ITPRIP: variants seen among roughly 807,000 people sequenced by gnomAD.
ITPRIP encodes inositol 1,4,5-trisphosphate receptor-interacting protein.
A neutral mutation model predicts 35.8 loss-of-function variants in ITPRIP; 32 were observed. The observed-to-expected ratio is 0.89, with a 90% CI of 0.68 to 1.20. The LOEUF (loss-of-function observed/expected upper bound fraction) is 1.20, where lower values mean the gene tolerates loss of function less well. Among genes scored for constraint, ITPRIP ranks in the 50% most tolerant of loss-of-function variants. The pLI, the probability that ITPRIP is intolerant of heterozygous loss-of-function variation, is 0.00. For missense variants in ITPRIP, 653 were observed against 735.6 expected (o/e 0.89, Z 1.30); for synonymous variants, 358 against 324.0 (o/e 1.11, Z -1.13).
intron 1 of ITPRIP, among the ~76,000 whole-genome samples, chr10:104,329,432 C>A (rs2014105087): frequency 6.6e-6 from 1 of 152,174 alleles, no homozygotes; most frequent in African/African-American, 2.4e-5. Flanking sequence ...ACATCATTTT[C>A]TAGTCACAGG....
intron 1 of ITPRIP, chr10:104,323,505 C>T (rs1182094055): frequency 6.6e-6 from 1 of 152,350 alleles, no homozygotes; most frequent in African/African-American, 2.4e-5. Flanking sequence ...GTGGGTCCTG[C>T]CTCTTCCCCT....
chr10:104,314,804 G>A lies in ITPRIP; in HGVS notation c.1248C>T (p.Leu416=), dbSNP rs1325969013. 1 of 1,613,950 alleles carries A rather than the reference G, an allele frequency of 6.2e-7. No individual in the cohort carries two copies. The highest frequency in any genetic ancestry group is 1.1e-5 in the South Asian group (1 of 91,086). The change falls in exon 2 of 2, where the codon CTC becomes CTT. Residue 416 remains leucine, a synonymous_variant. Transcript: ENST00000337478. ...LSCLQIASFL[L]SKQSRLTGPS... ...GACCGGTCAGGCGGCTCTGCTTGGA[G>A]AGCAGGAAGGATGCTATCTGCAGGC...
chr10:104,323,411 G>A (rs975181906), intron 1 of ITPRIP: 2 of 152,382 alleles, frequency 1.3e-5, no homozygotes, highest in African/African-American at 4.8e-5. Context: ...TGCAGTGCAT[G>A]GCTGAATGTG....
rs1012603851 is a variant in ITPRIP, at chr10:104,313,303, G to A, written c.*1105C>T. On this transcript the variant is annotated 3_prime_UTR_variant, in exon 2 of 2. Coordinates refer to ENST00000337478, the MANE Select transcript of ITPRIP (RefSeq NM_001272013.2). Reference sequence around the variant, plus strand: ...ACTGCAAGCCAGACACCACCACCCCGGGTAGCATTTTTGAGCACCTCATCG... The same window carrying A: ...ACTGCAAGCCAGACACCACCACCCCAGGTAGCATTTTTGAGCACCTCATCG... The A allele has an allele frequency of 5.1e-5, 50 of 985,862 alleles. No individual in the cohort carries two copies. The highest frequency in any genetic ancestry group is 1.0e-3 in the Middle Eastern group (2 of 1,946). 61.1% of individuals were successfully genotyped at this position (985,862 alleles called of 1,614,324 possible).
rs372849615 is a variant in ITPRIP at position 104,315,346 on chromosome 10, C to A, written c.706G>T (p.Asp236Tyr). ...TTGATCTGGCCGTAGCCCTGGCGAT[C>A]CAGGGGCACTGAGCGGCCGGAGCAC... ...LWCSGRSVPL[D>Y]RQGYGQIKVV... is the part of the protein sequence containing the mutation. Residue 236 changes from aspartate (D) to tyrosine (Y), a missense_variant, in exon 2 of 2, where the codon GAT becomes TAT. Transcript: ENST00000337478. This position sits in a 1 kb window ranked among gnomAD's most constrained non-coding sequence, Gnocchi z 5.7. 7 of 1,562,784 alleles carry A rather than the reference C, an allele frequency of 4.5e-6. No homozygotes were observed. The highest frequency in any genetic ancestry group is 6.1e-6 in the Non-Finnish European group (7 of 1,151,138).
At chr10:104,336,395 C>G (rs1011969589) in intron 1 of ITPRIP, among the ~76,000 whole-genome samples, 6 of 151,816 alleles carry the variant, frequency 4.0e-5, no homozygotes, top group African/African-American at 1.2e-4. Flanking sequence ...CACAGGCTGC[C>G]GTGCCACCTC....
At chr10:104,316,553 A>C (rs1564862429) in intron 1 of ITPRIP, among the ~76,000 whole-genome samples, 1 of 152,038 alleles carries the variant, frequency 6.6e-6, no homozygotes, top group East Asian at 1.9e-4. Context: ...TTTGGTTGCT[A>C]GGTTGCTGAG....
In ITPRIP at chr10:104,315,722, C is replaced by A. The variant is rs560008932; in HGVS notation, c.330G>T (p.Gly110=). The A allele has an allele frequency of 5.6e-6, 9 of 1,613,654 alleles. 1 individual carries two copies. The African/African-American group carries it at 1.2e-4, about 21-fold the overall frequency. ...IEVWRQDHQE[G]PSPECLGGEE... Reference sequence around the variant, plus strand: ...CACCGCCCAGGCACTCAGGTGAGGGCCCCTCCTGGTGGTCCTGCCGCCACA... The same window carrying A: ...CACCGCCCAGGCACTCAGGTGAGGGACCCTCCTGGTGGTCCTGCCGCCACA... Residue 110 remains glycine (G), a synonymous_variant, in exon 2 of 2, where the codon GGG becomes GGT. Coordinates refer to ENST00000337478, the MANE Select transcript of ITPRIP (RefSeq NM_001272013.2). This position sits in a 1 kb window ranked among gnomAD's most constrained non-coding sequence, Gnocchi z 5.7.
intron 1 of ITPRIP, chr10:104,323,502 C>A (rs550276331): frequency 6.6e-6 from 1 of 152,504 alleles, no homozygotes; most frequent in South Asian, 2.1e-4. Context: ...TGAGTGGGTC[C>A]TGCCTCTTCC....
rs768457518 is a variant in ITPRIP at position 104,314,982 on chromosome 10, G to C, written c.1070C>G (p.Ser357Trp). ...AAGGTGGGAGACAAAGTACAGGTCC[G>C]AGTCATCACACTGGATCACAGGAAT... ...NLIPVIQCDDSDLYFVSHLPR... is the reference protein window; with the variant it reads ...NLIPVIQCDDWDLYFVSHLPR... Residue 357 changes from serine (S) to tryptophan (W), a missense_variant, in exon 2 of 2, where the codon TCG (serine) becomes TGG (tryptophan). Coordinates refer to ENST00000337478, the MANE Select transcript of ITPRIP (RefSeq NM_001272013.2). 6.2e-7 allele frequency: 1 copy of C among 1,613,956 alleles called. No homozygotes were observed. Among genetic ancestry groups the C allele is most frequent in the Admixed American group, 1.7e-5 (1 of 60,026 alleles).
intron 1 of ITPRIP, among the ~76,000 whole-genome samples, chr10:104,337,007 G>C (rs1364293827): frequency 6.6e-6 from 1 of 152,204 alleles, no homozygotes; most frequent in African/African-American, 2.4e-5. Context: ...GAGAAAATCC[G>C]AAGGCAGAAT....
rs1337467032 is a variant in ITPRIP at position 104,326,318 on chromosome 10, T to A, written c.-13-10254A>T. The A allele has an allele frequency of 6.6e-6, 1 of 152,184 alleles. No homozygotes were observed. Among genetic ancestry groups the A allele is most frequent in the African/African-American group, 2.4e-5 (1 of 41,440 alleles). The allele number at this position is 152,184 out of a possible 1,614,324, so 9.4% of individuals were successfully genotyped here. On this transcript the variant is annotated intron_variant, in intron 1 of 1. Transcript: ENST00000337478. The surrounding 1 kb of genome is among the most constrained non-coding windows in gnomAD (Gnocchi z 4.8). The stretch of plus-strand genomic sequence containing the variant: ...CTGTTCCCGCTCCTCCGCCGGCTGA[T>A]GCACGTCCCTCGGCGAGCAGATGGA...
rs112359603 is a variant in ITPRIP, at chr10:104,326,500, G to A, written c.-13-10436C>T. 6.6e-6 allele frequency: 1 copy of A among 152,252 alleles called. No homozygotes were observed. Among genetic ancestry groups the A allele is most frequent in the Non-Finnish European group, 1.5e-5 (1 of 68,078 alleles). The allele number at this position is 152,252 out of a possible 1,614,324, so 9.4% of individuals were successfully genotyped here. A position where few individuals can be genotyped will look rare whatever the true frequency, so the allele number is the denominator to read the frequency against. On this transcript the variant is annotated intron_variant, in intron 1 of 1. Coordinates refer to ENST00000337478, the MANE Select transcript of ITPRIP (RefSeq NM_001272013.2). This position sits in a 1 kb window ranked among gnomAD's most constrained non-coding sequence, Gnocchi z 4.8. ...ATGGCTGGGTTGTGGAGAGGACAGT[G>A]AGAAGAGACTACAAGGAGTAAAACA...
intron 1 of ITPRIP, chr10:104,329,042 T>TG (rs2014094598): frequency 8.3e-6 from 1 of 120,202 alleles, no homozygotes. Context: ...CCTGCACGCA[T>TG]GCACACACAC....
chr10:104,329,043 G>A (rs2135207565), intron 1 of ITPRIP: 1 of 148,200 alleles, frequency 6.7e-6, no homozygotes, highest in Non-Finnish European at 1.5e-5. Context: ...CTGCACGCAT[G>A]CACACACACA....
chr10:104,331,621 A>G (rs1452672081), intron 1 of ITPRIP, among the ~76,000 whole-genome samples: 1 of 152,198 alleles, frequency 6.6e-6, no homozygotes, highest in African/African-American at 2.4e-5. Context: ...TGTGTTATGC[A>G]CCTGGAAGTG....
intron 1 of ITPRIP, among the ~76,000 whole-genome samples, chr10:104,324,941 G>C (rs778595241): frequency 6.6e-6 from 1 of 152,240 alleles, no homozygotes; most frequent in Non-Finnish European, 1.5e-5. Flanking sequence ...GCAACACTGG[G>C]TGCAGTGGCT....
Position 104,316,078 on chromosome 10 carries a change from G to C in ITPRIP, c.-13-14C>G. 1 of 1,533,912 alleles carries C rather than the reference G, an allele frequency of 6.5e-7. No individual in the cohort carries two copies. The highest frequency in any genetic ancestry group is 8.7e-7 in the Non-Finnish European group (1 of 1,144,966). ...GTTGGAGCTTTCCTGGGAACAGAGA[G>C]ACAGATGGTCACACCAAGCTTCCCT... On this transcript the variant is annotated splice_polypyrimidine_tract_variant and intron_variant, in intron 1 of 1. Transcript: ENST00000337478.
At position 104,313,052 on chromosome 10, in the gene ITPRIP, G is replaced by C. The variant is rs1308902555; in HGVS notation, c.*1356C>G. ...CTTCTGCCAGGCTCTTTGGGTCTGGGTCATCTGTGTGGTCAGCAGTGCCCA... is the reference window on the plus strand; with the variant it reads ...CTTCTGCCAGGCTCTTTGGGTCTGGCTCATCTGTGTGGTCAGCAGTGCCCA... On this transcript the variant is annotated 3_prime_UTR_variant, in exon 2 of 2. Coordinates refer to ENST00000337478, the MANE Select transcript of ITPRIP (RefSeq NM_001272013.2). The C allele has an allele frequency of 1.0e-6, 1 of 985,442 alleles. No individual in the cohort carries two copies. Among genetic ancestry groups the C allele is most frequent in the East Asian group, 1.1e-4 (1 of 8,794 alleles). 61.0% of individuals were successfully genotyped at this position (985,442 alleles called of 1,614,324 possible).
Sources: gnomAD v4.1 joint callset for allele counts (sites outside exome capture counted in the v4.1 genomes callset) on GRCh38, gnomAD v4.1.1 for gene constraint, Gnocchi (gnomAD v3.1) non-coding constraint, MANE v1.5 for transcripts, NCBI Gene and HGNC (gene_info 2026-07-23, HGNC 2026-07-21) for gene names.